SAMD9: variants seen among roughly 807,000 people sequenced by gnomAD.
The protein encoded by SAMD9 is sterile alpha motif domain-containing protein 9.
A neutral mutation model predicts 1.5 loss-of-function variants in SAMD9; 3 were observed. The ratio of observed to expected loss-of-function variants is 2.05; its 90% confidence interval spans 0.93 to 5.29. The LOEUF (loss-of-function observed/expected upper bound fraction) is 5.29. SAMD9 is among the 30% of genes most tolerant of loss of function. The probability of loss-of-function intolerance (pLI) is 0.02; values close to 1 mark genes in which losing one functional copy is unlikely to be tolerated. For synonymous variants in SAMD9, 635 were observed against 631.9 expected (o/e 1.00, Z -0.07); for missense variants, 1,597 against 1,820.8 (o/e 0.88, Z 2.24).
Position 93,105,929 on chromosome 7 carries a change from T to C in SAMD9, c.169A>G (p.Met57Val), listed in dbSNP as rs201880188. 25 of 1,612,926 alleles carry C rather than the reference T, an allele frequency of 1.5e-5. No homozygotes were observed. The highest frequency in any genetic ancestry group is 2.2e-5 in the East Asian group (1 of 44,862). ...ATAGCTGGTCCATGTGTGATGCCCA[T>C]ATCAACAAGATGTTCTTTTTTTAAC... ...KWLKKEHLVDMGITHGPAIQI... is the reference protein window; with the variant it reads ...KWLKKEHLVDVGITHGPAIQI... Residue 57 changes from methionine to valine, a missense_variant, in exon 3 of 3, where the codon ATG (methionine) becomes GTG (valine). Met to Val is a conservative substitution (Grantham distance 21). Around this residue, in one of 6 missense-constraint regions of SAMD9, gnomAD observed 498 missense variants for 457.4 expected, o/e 1.09. Transcript: ENST00000379958.
rs2116418899 is a variant in SAMD9 at position 93,104,245 on chromosome 7, A to G, written c.1853T>C (p.Ile618Thr). Residue 618 changes from isoleucine to threonine, a missense_variant, in exon 3 of 3, where the codon ATT becomes ACT. By Grantham distance (89) the Ile-to-Thr change is moderately conservative (BLOSUM62 -1). Around this residue, in one of 6 missense-constraint regions of SAMD9, gnomAD observed 358 missense variants for 460.4 expected, o/e 0.78. Transcript: ENST00000379958. ...ALSLEEINGT[I>T]LKLKSVTQSS... ...TTGAGTCACAGATTTTAGTTTAAGA[A>G]TAGTGCCATTGATCTCTTCAAGGCT... is the stretch of plus-strand genomic sequence containing the variant. 1 of 1,613,880 alleles carries G rather than the reference A, an allele frequency of 6.2e-7. No individual in the cohort carries two copies. Among genetic ancestry groups the G allele is most frequent in the Non-Finnish European group, 8.5e-7 (1 of 1,179,850 alleles).
Position 93,105,526 on chromosome 7 carries a change from A to T in SAMD9, c.572T>A (p.Ile191Asn). ...LQPETGPGNL[I>N]DPIHEFKAFT... The stretch of plus-strand genomic sequence containing the variant: ...GGCTTTGAATTCATGTATCGGATCA[A>T]TGAGATTGCCTGGTCCTGTTTCAGG... Residue 191 changes from isoleucine to asparagine, a missense_variant, in exon 3 of 3, where the codon ATT becomes AAT. By Grantham distance (149) the Ile-to-Asn change is moderately radical. Around this residue, in one of 6 missense-constraint regions of SAMD9, gnomAD observed 498 missense variants for 457.4 expected, o/e 1.09. Coordinates refer to ENST00000379958, the MANE Select transcript of SAMD9 (RefSeq NM_017654.4). The T allele has an allele frequency of 6.2e-7, 1 of 1,614,108 alleles. No individual in the cohort carries two copies. Among genetic ancestry groups the T allele is most frequent in the South Asian group, 1.1e-5 (1 of 91,080 alleles).
Position 93,102,735 on chromosome 7 carries a change from A to G in SAMD9, c.3363T>C (p.Asp1121=). Residue 1121 remains aspartate, a synonymous_variant, in exon 3 of 3, where the codon GAT becomes GAC. Transcript: ENST00000379958. ...IIEPDNSYIS[D]TLGQVYKSKI... ...TACTTTTGTAGACTTGACCCAGTGT[A>G]TCTGAGATATAAGAATTGTCAGGTT... is the stretch of plus-strand genomic sequence containing the variant. The G allele has an allele frequency of 1.2e-6, 2 of 1,613,878 alleles. No homozygotes were observed. Among genetic ancestry groups the G allele is most frequent in the Non-Finnish European group, 1.7e-6 (2 of 1,179,770 alleles).
chr7:93,117,443 ATTTT>A (rs951928334), intron 1 of SAMD9, among the ~76,000 whole-genome samples: 1 of 146,624 alleles, frequency 6.8e-6, no homozygotes, highest in Non-Finnish European at 1.5e-5. Context: ...ACATCCAGCT[ATTTT>A]TTTTTTTGGT....
Position 93,105,533 on chromosome 7 carries a change from T to C in SAMD9, c.565A>G (p.Asn189Asp), listed in dbSNP as rs1014088211. ...FSLQPETGPG[N>D]LIDPIHEFKA... The stretch of plus-strand genomic sequence containing the variant: ...AATTCATGTATCGGATCAATGAGAT[T>C]GCCTGGTCCTGTTTCAGGCTGTAGA... The change falls in exon 3 of 3, where the codon AAT becomes GAT. Residue 189 changes from asparagine to aspartate, a missense_variant. Coordinates refer to ENST00000379958, the MANE Select transcript of SAMD9 (RefSeq NM_017654.4). 1.2e-6 allele frequency: 2 copies of C among 1,614,024 alleles called. No homozygotes were observed. Among genetic ancestry groups the C allele is most frequent in the Non-Finnish European group, 1.7e-6 (2 of 1,180,008 alleles).
In SAMD9 at chr7:93,117,870, T is replaced by C. The variant is rs1434599360; in HGVS notation, c.-117A>G. The C allele has an allele frequency of 1.3e-5, 2 of 152,236 alleles. No individual in the cohort carries two copies. The highest frequency in any genetic ancestry group is 6.5e-5 in the Admixed American group (1 of 15,280). The allele number at this position is 152,236 out of a possible 1,614,324, so 9.4% of individuals were successfully genotyped here. On this transcript the variant is annotated 5_prime_UTR_variant, in exon 1 of 3. Coordinates refer to ENST00000379958, the MANE Select transcript of SAMD9 (RefSeq NM_017654.4). ...AATAGATATTGTACTTACCCAGTAG[T>C]CTTGCAAATTTCTTTTACATATATG...
Position 93,106,022 on chromosome 7 carries a change from G to T in SAMD9, c.76C>A (p.His26Asn). 6.3e-7 allele frequency: 1 copy of T among 1,594,610 alleles called. No individual in the cohort carries two copies. Among genetic ancestry groups the T allele is most frequent in the Non-Finnish European group, 8.5e-7 (1 of 1,173,834 alleles). ...KEDVNQWLES[H>N]KIDQKHREIL... ...TCCCTGTGTTTTTGGTCAATCTTATGACTTTCTAACCACTGATTTACATCC... is the reference window on the plus strand; with the variant it reads ...TCCCTGTGTTTTTGGTCAATCTTATTACTTTCTAACCACTGATTTACATCC... The change falls in exon 3 of 3, where the codon CAT becomes AAT. Residue 26 changes from histidine (H) to asparagine (N), a missense_variant. By Grantham distance (68) the His-to-Asn change is moderately conservative. Around this residue, in one of 6 missense-constraint regions of SAMD9, gnomAD observed 498 missense variants for 457.4 expected, o/e 1.09. Coordinates refer to ENST00000379958, the MANE Select transcript of SAMD9 (RefSeq NM_017654.4).
chr7:93,105,738 T>G lies in SAMD9; in HGVS notation c.360A>C (p.Pro120=), dbSNP rs760402184. The G allele has an allele frequency of 1.2e-5, 20 of 1,614,102 alleles. No homozygotes were observed. The highest frequency in any genetic ancestry group is 1.7e-5 in the Non-Finnish European group (20 of 1,180,006). ...TCATTGCAGACGGATTAGCCATATC[T>G]GGGTTCTCTTTACCCTTTTGTTTTT... The part of the protein sequence containing the change: ...SKQKQKGKEN[P]DMANPSAMST... Residue 120 remains proline (P), a synonymous_variant, in exon 3 of 3, where the codon CCA becomes CCC. Coordinates refer to ENST00000379958, the MANE Select transcript of SAMD9 (RefSeq NM_017654.4).
intron 2 of SAMD9, among the ~76,000 whole-genome samples, chr7:93,111,650 C>A (rs1395677711): frequency 6.6e-6 from 1 of 152,188 alleles, no homozygotes; most frequent in Non-Finnish European, 1.5e-5. Context: ...CACAGAAATA[C>A]AAACTACCAT....
Position 93,102,390 on chromosome 7 carries a change from A to G in SAMD9, c.3708T>C (p.Ser1236=). The change falls in exon 3 of 3, where the codon AGT becomes AGC. Residue 1236 remains serine, a synonymous_variant. Coordinates refer to ENST00000379958, the MANE Select transcript of SAMD9 (RefSeq NM_017654.4). ...RYMVNFVSGS[S]DIPGDPNNEY... ...CATTGTTTGGATCCCCTGGAATATCACTACTTCCTGATACAAAATTGACCA... is the reference window on the plus strand; with the variant it reads ...CATTGTTTGGATCCCCTGGAATATCGCTACTTCCTGATACAAAATTGACCA... The G allele has an allele frequency of 3.1e-6, 5 of 1,609,996 alleles. No individual in the cohort carries two copies. The highest frequency in any genetic ancestry group is 4.2e-6 in the Non-Finnish European group (5 of 1,176,588).
chr7:93,115,815 T>C (rs10488530), intron 1 of SAMD9, among the ~76,000 whole-genome samples: 8,531 of 152,266 alleles, frequency 0.056, 330 homozygotes, highest in South Asian at 0.19. Flanking sequence ...AAAGTTTTAC[T>C]AGGTGTTTAT....
chr7:93,111,371 A>G (rs1404838378), intron 2 of SAMD9, among the ~76,000 whole-genome samples: 1 of 152,200 alleles, frequency 6.6e-6, no homozygotes, highest in African/African-American at 2.4e-5. Flanking sequence ...TCTAAAATTG[A>G]CACCCTAACA....
Position 93,103,243 on chromosome 7 carries a change from C to T in SAMD9, c.2855G>A (p.Gly952Glu). 6.2e-7 allele frequency: 1 copy of T among 1,613,512 alleles called. No homozygotes were observed. The highest frequency in any genetic ancestry group is 1.6e-4 in the Middle Eastern group (1 of 6,062). ...LGIGNKKAFWGTEKFEDKMGT... is the reference protein window; with the variant it reads ...LGIGNKKAFWETEKFEDKMGT... The stretch of plus-strand genomic sequence containing the variant: ...CATCTTGTCTTCAAATTTTTCTGTC[C>T]CCCAGAAAGCCTTCTTGTTTCCAAT... The change falls in exon 3 of 3, where the codon GGG (glycine) becomes GAG (glutamate). Residue 952 changes from glycine (G) to glutamate (E), a missense_variant. By Grantham distance (98) the Gly-to-Glu change is moderately conservative (BLOSUM62 -2). This residue lies in a region of SAMD9 where 682 missense variants were observed against 810.0 expected (regional missense o/e 0.84). Transcript: ENST00000379958.
chr7:93,103,060 G>A lies in SAMD9; in HGVS notation c.3038C>T (p.Thr1013Ile), dbSNP rs893964928. The A allele has an allele frequency of 1.2e-6, 2 of 1,613,686 alleles. No individual in the cohort carries two copies. Among genetic ancestry groups the A allele is most frequent in the East Asian group, 2.2e-5 (1 of 44,884 alleles). ...NKSQIMLDML[T>I]ENLFFDTGMG... ...ACCAGTATCGAAGAACAAATTCTCAGTTAGCATATCCAACATAATTTGACT... is the reference window on the plus strand; with the variant it reads ...ACCAGTATCGAAGAACAAATTCTCAATTAGCATATCCAACATAATTTGACT... The change falls in exon 3 of 3, where the codon ACT becomes ATT. Residue 1013 changes from threonine (T) to isoleucine (I), a missense_variant. Physicochemically the swap from Thr to Ile is moderately conservative, Grantham distance 89. Transcript: ENST00000379958.
At position 93,102,500 on chromosome 7, in the gene SAMD9, C is replaced by T; in HGVS notation, c.3598G>A (p.Glu1200Lys). 2 of 1,613,748 alleles carry T rather than the reference C, an allele frequency of 1.2e-6. No individual in the cohort carries two copies. Among genetic ancestry groups the T allele is most frequent in the Non-Finnish European group, 1.7e-6 (2 of 1,179,724 alleles). The change falls in exon 3 of 3, where the codon GAG (glutamate) becomes AAG (lysine). Residue 1200 changes from glutamate (E) to lysine (K), a missense_variant. Transcript: ENST00000379958. ...DTYNIAGYQG[E>K]IEVGLYTIQI... is the part of the protein sequence containing the mutation. ...ATTGTGTAAAGCCCAACTTCTATCT[C>T]TCCTTGATAACCAGCTATATTGTAA...
chr7:93,101,231 T>C lies in SAMD9; in HGVS notation c.*97A>G. On this transcript the variant is annotated 3_prime_UTR_variant, in exon 3 of 3. Coordinates refer to ENST00000379958, the MANE Select transcript of SAMD9 (RefSeq NM_017654.4). ...TGTACAGATCTGAAGAGCTAGAGGC[T>C]GTATCTATAACCTTGCCGGTTTAAA... The C allele has an allele frequency of 1.1e-6, 1 of 884,322 alleles. No homozygotes were observed. The highest frequency in any genetic ancestry group is 1.9e-6 in the Non-Finnish European group (1 of 528,294). 54.8% of individuals were successfully genotyped at this position (884,322 alleles called of 1,614,324 possible).
In SAMD9 at chr7:93,104,057, C is replaced by G. The variant is rs145864982; in HGVS notation, c.2041G>C (p.Glu681Gln). Reference sequence around the variant, plus strand: ...ACTTTGCCACCTCGATAGAAGTCTTCCTCTTTTGATGCCTTGAATTCAAGG... The same window carrying G: ...ACTTTGCCACCTCGATAGAAGTCTTGCTCTTTTGATGCCTTGAATTCAAGG... ...KFLEFKASKEEDFYRGGKVSW... is the reference protein window; with the variant it reads ...KFLEFKASKEQDFYRGGKVSW... Residue 681 changes from glutamate to glutamine, a missense_variant, in exon 3 of 3, where the codon GAA becomes CAA. Transcript: ENST00000379958. 16 of 1,613,868 alleles carry G rather than the reference C, an allele frequency of 9.9e-6. No individual in the cohort carries two copies. The African/African-American group carries it at 1.9e-4, about 19-fold the overall frequency.
intron 2 of SAMD9, among the ~76,000 whole-genome samples, chr7:93,114,127 G>T (rs1012203029): frequency 6.6e-6 from 1 of 152,064 alleles, no homozygotes; most frequent in Non-Finnish European, 1.5e-5. Flanking sequence ...CCTTAAAAAA[G>T]GATGAGTTCA....
chr7:93,101,902 T>G lies in SAMD9; in HGVS notation c.4196A>C (p.Gln1399Pro), dbSNP rs748277849. 6.2e-7 allele frequency: 1 copy of G among 1,613,910 alleles called. No homozygotes were observed. The highest frequency in any genetic ancestry group is 1.1e-5 in the South Asian group (1 of 91,086). ...ILANIILSCI[Q>P]PTSRLVKPVE... ...TGGCTTTACTAATCTGGAGGTAGGT[T>G]GGATACAGGAGAGAATAATGTTGGC... is the stretch of plus-strand genomic sequence containing the variant. Residue 1399 changes from glutamine to proline, a missense_variant, in exon 3 of 3, where the codon CAA (glutamine) becomes CCA (proline). This residue lies in a region of SAMD9 where 682 missense variants were observed against 810.0 expected (regional missense o/e 0.84). Transcript: ENST00000379958.
Sources: allele counts gnomAD v4.1 joint callset (sites outside exome capture counted in the v4.1 genomes callset), GRCh38; gene constraint gnomAD v4.1.1; regional missense constraint gnomAD v4.1.1; transcripts MANE v1.5; gene names NCBI Gene and HGNC (gene_info 2026-07-23, HGNC 2026-07-21).